Variants in SSBP3 observed in about 807,000 individuals in gnomAD.
SSBP3 encodes single stranded DNA binding protein 3, also known as single-stranded DNA-binding protein 3.
In SSBP3, 5 loss-of-function variants were observed where a neutral mutation model predicts 69.6. The ratio of observed to expected loss-of-function variants is 0.07; its 90% CI spans 0.04 to 0.15. The LOEUF is 0.15. SSBP3 is among the 10% of genes least tolerant of loss of function. The probability of loss-of-function intolerance (pLI) is 1.00; values close to 1 mark genes in which losing one functional copy is unlikely to be tolerated. For missense variants in SSBP3, 312 were observed against 534.0 expected, an observed-to-expected ratio of 0.58 and a Z score of 4.10; for synonymous variants, 196 against 193.4, an observed-to-expected ratio of 1.01 and a Z score of -0.11.
intron 4 of SSBP3, among the ~76,000 whole-genome samples, chr1:54,370,553 A>T (rs149054548): frequency 1.3e-5 from 2 of 152,242 alleles, no homozygotes; most frequent in East Asian, 3.9e-4. Flanking sequence ...TTGCTTCATC[A>T]TATACTGGAC....
At chr1:54,389,888 A>G (rs1648358575) in intron 4 of SSBP3, among the ~76,000 whole-genome samples, 1 of 124,892 alleles carries the variant, frequency 8.0e-6, no homozygotes. Flanking sequence ...CAAAAAAAAA[A>G]ATTTTTTTTT....
At chr1:54,388,333 T>C (rs1036621324) in intron 4 of SSBP3, among the ~76,000 whole-genome samples, 2 of 152,238 alleles carry the variant, frequency 1.3e-5, no homozygotes, top group Non-Finnish European at 2.9e-5. Context: ...GGCTCATGCC[T>C]TCACTTCTCT....
At chr1:54,346,404 T>C (rs548919096) in intron 4 of SSBP3, among the ~76,000 whole-genome samples, 1 of 152,154 alleles carries the variant, frequency 6.6e-6, no homozygotes, top group East Asian at 1.9e-4. Context: ...TAACAGGAAT[T>C]TGAATTTTGA....
At position 54,324,453 on chromosome 1, in the gene SSBP3, G is replaced by C. The variant is rs137919347; in HGVS notation, c.277-42926C>G. Among the ~76,000 whole-genome samples the C allele has an allele frequency of 6.2e-3, 914 of 147,732 alleles. 12 individuals carry two copies. Among genetic ancestry groups the C allele is most frequent in the African/African-American group, 0.022 (857 of 39,626 alleles). ...ACACCCCTACAGAACACTTCACTCAGTGACCCCATAGGCCAGAGCAGGATA... is the reference window on the plus strand; with the variant it reads ...ACACCCCTACAGAACACTTCACTCACTGACCCCATAGGCCAGAGCAGGATA... On this transcript the variant is annotated intron_variant, in intron 4 of 17. Coordinates refer to ENST00000610401, the Ensembl canonical transcript of SSBP3.
intron 4 of SSBP3, among the ~76,000 whole-genome samples, chr1:54,386,683 C>CCTTTTTTTTTTT (rs1648105405): frequency 1.3e-5 from 1 of 76,136 alleles, no homozygotes; most frequent in African/African-American, 6.9e-5. Context: ...ACTGATCCTA[C>CCTTTTTTTTTTT]TTTTTTTTTT....
intron 4 of SSBP3, among the ~76,000 whole-genome samples, chr1:54,321,118 G>T (rs1006840458): frequency 5.9e-5 from 9 of 152,232 alleles, no homozygotes; most frequent in Non-Finnish European, 1.2e-4. Context: ...TCATGCTGGA[G>T]AGACAGAGGA....
At chr1:54,305,701 T>C (rs1645888089) in intron 4 of SSBP3, among the ~76,000 whole-genome samples, 1 of 151,366 alleles carries the variant, frequency 6.6e-6, no homozygotes, top group South Asian at 2.1e-4. Flanking sequence ...CATGTGATCC[T>C]CCCACCTTGG....
At chr1:54,390,787 C>T (rs969866449) in intron 4 of SSBP3, among the ~76,000 whole-genome samples, 4 of 152,254 alleles carry the variant, frequency 2.6e-5, no homozygotes, top group Admixed American at 6.5e-5. Context: ...CCAGGGCCGC[C>T]GCCCGTAACA....
At chr1:54,376,446 C>A (rs961751889) in intron 4 of SSBP3, among the ~76,000 whole-genome samples, 11 of 152,210 alleles carry the variant, frequency 7.2e-5, no homozygotes, top group African/African-American at 2.7e-4. Flanking sequence ...GCCCTTACAG[C>A]TCCACCAAGT....
chr1:54,405,811 G>A (rs1649699169), intron 1 of SSBP3, 142 bp downstream of exon 1: 1 of 411,628 alleles, frequency 2.4e-6, no homozygotes, highest in East Asian at 1.4e-4. Context: ...CTCGGGGAAG[G>A]GGCCAGGCAG....
intron 4 of SSBP3, among the ~76,000 whole-genome samples, chr1:54,294,460 C>G (rs918107584): frequency 2.6e-5 from 4 of 152,214 alleles, no homozygotes; most frequent in African/African-American, 7.2e-5. Context: ...TGTATCACCC[C>G]CTCCCAAGAC....
At chr1:54,312,260 G>A (rs1646016786) in intron 4 of SSBP3, among the ~76,000 whole-genome samples, 1 of 151,044 alleles carries the variant, frequency 6.6e-6, no homozygotes, top group African/African-American at 2.4e-5. Context: ...CTGCACTCCA[G>A]CCTAGGTGAC....
chr1:54,258,047 G>A lies in SSBP3; in HGVS notation c.447+22C>T, dbSNP rs748256086. 2.7e-5 allele frequency: 43 copies of A among 1,569,996 alleles called. No individual in the cohort carries two copies. The highest frequency in any genetic ancestry group is 4.0e-5 in the African/African-American group (3 of 74,418). On this transcript the variant is annotated intron_variant, in intron 6 of 17. Coordinates refer to ENST00000610401, the Ensembl canonical transcript of SSBP3. The surrounding 1 kb of genome is among the most constrained non-coding windows in gnomAD (Gnocchi z 4.5). ...TCCGCGCCCCGCGTCCCCGGCGGGC[G>A]GGAGCGCCACGGTGCGTTTACCTGA... is the stretch of plus-strand genomic sequence containing the variant.
At chr1:54,266,176 T>C (rs142966490) in intron 5 of SSBP3, among the ~76,000 whole-genome samples, 75 of 152,318 alleles carry the variant, frequency 4.9e-4, no homozygotes, top group Non-Finnish European at 9.0e-4. Context: ...GCCTCAGAGA[T>C]GTGATCTCAT....
intron 4 of SSBP3, among the ~76,000 whole-genome samples, chr1:54,395,918 C>CGCG (rs1038622685): frequency 2.0e-5 from 3 of 152,150 alleles, no homozygotes; most frequent in African/African-American, 7.2e-5. Context: ...ACCGGCCAGG[C>CGCG]GCGGTGGCTC....
At chr1:54,339,851 T>C (rs929527351) in intron 4 of SSBP3, among the ~76,000 whole-genome samples, 3 of 151,498 alleles carry the variant, frequency 2.0e-5, no homozygotes, top group African/African-American at 7.3e-5. Context: ...GGGGCGGAGG[T>C]TGCAGTGAGC....
At chr1:54,238,166 G>C (rs1427594642) in intron 14 of SSBP3, 1 of 471,060 alleles carries the variant, frequency 2.1e-6, no homozygotes, top group Non-Finnish European at 4.4e-6. Context: ...AGGGCTGCTG[G>C]ATGTAGGCAA....
intron 4 of SSBP3, among the ~76,000 whole-genome samples, chr1:54,352,484 C>T (rs1569904535): frequency 6.6e-6 from 1 of 152,314 alleles, no homozygotes; most frequent in East Asian, 1.9e-4. Context: ...ATCCCACTTC[C>T]TATGAGGCTT....
At chr1:54,239,384 T>TCTGTGA (rs1644563423) in intron 13 of SSBP3, among the ~76,000 whole-genome samples, 185 bp from the exon 14 acceptor site, 1 of 152,244 alleles carries the variant, frequency 6.6e-6, no homozygotes, top group Non-Finnish European at 1.5e-5. Flanking sequence ...AAAATTCAAC[T>TCTGTGA]GTGAAAACCA....
Sources: gnomAD v4.1 joint callset for allele counts (sites outside exome capture counted in the v4.1 genomes callset) on GRCh38, gnomAD v4.1.1 for gene constraint, Gnocchi (gnomAD v3.1) non-coding constraint, MANE v1.5 for transcripts, NCBI Gene and HGNC (gene_info 2026-07-23, HGNC 2026-07-21) for gene names.